ZNF385D: variants seen among roughly 807,000 people sequenced by gnomAD.
The protein encoded by ZNF385D is zinc finger protein 385D.
A neutral mutation model predicts 35.8 loss-of-function variants in ZNF385D; 15 were observed. The ratio of observed to expected loss-of-function variants is 0.42; its 90% CI spans 0.28 to 0.64. ZNF385D has a LOEUF of 0.64. ZNF385D is among the 30% of genes least tolerant of loss of function. The pLI is 0.23. For synonymous variants in ZNF385D, 212 were observed against 186.8 expected, an observed-to-expected ratio of 1.13 and a Z score of -1.10; for missense variants, 474 against 494.6, an observed-to-expected ratio of 0.96 and a Z score of 0.39.
At chr3:21,555,215 GT>G (rs35875777) in intron 3 of ZNF385D, among the ~76,000 whole-genome samples, 23,325 of 141,090 alleles carry the variant, frequency 0.17, 1,751 homozygotes, top group East Asian at 0.18. Flanking sequence ...GGCAATTGTA[GT>G]TTTTTTTTTT....
chr3:21,930,976 A>G (rs763698914), intron 3 of ZNF385D, among the ~76,000 whole-genome samples: 35 of 152,160 alleles, frequency 2.3e-4, no homozygotes, highest in Non-Finnish European at 4.6e-4. Flanking sequence ...CATCAAAATA[A>G]GAAACTTCTG....
intron 3 of ZNF385D, among the ~76,000 whole-genome samples, chr3:21,951,513 T>G (rs1416567094): frequency 2.0e-5 from 3 of 151,690 alleles, no homozygotes; most frequent in Non-Finnish European, 4.4e-5. Flanking sequence ...CAATTTGACT[T>G]CCATTCTTCC....
At position 22,337,617 on chromosome 3, in the gene ZNF385D, A is replaced by G. The variant is rs143514307; in HGVS notation, c.106+34833T>C. Reference sequence around the variant, plus strand: ...CTCACCGAAAATGCCCAATTTGCTTAATAGTCACAGAAAAGTAGATAGACT... The same window carrying G: ...CTCACCGAAAATGCCCAATTTGCTTGATAGTCACAGAAAAGTAGATAGACT... On this transcript the variant is annotated intron_variant, in intron 2 of 5. Transcript: ENST00000494108. Among the ~76,000 whole-genome samples the G allele has an allele frequency of 2.3e-3, 358 of 152,352 alleles. 7 individuals are homozygous for G. In the South Asian group the frequency reaches 0.027, roughly 11 times the overall value.
chr3:21,744,359 T>G (rs1261312019), intron 1 of ZNF385D, among the ~76,000 whole-genome samples: 1 of 152,164 alleles, frequency 6.6e-6, no homozygotes, highest in Non-Finnish European at 1.5e-5. Context: ...ACAACCACTT[T>G]CCCTCATCAG....
chr3:21,787,546 AC>A (rs1333555487), intron 3 of ZNF385D, among the ~76,000 whole-genome samples: 1 of 152,098 alleles, frequency 6.6e-6, no homozygotes, highest in Non-Finnish European at 1.5e-5. Flanking sequence ...CTTAGGAGAA[AC>A]AGTAAGATTC....
At chr3:21,982,340 G>A (rs544542984) in intron 3 of ZNF385D, among the ~76,000 whole-genome samples, 1 of 151,944 alleles carries the variant, frequency 6.6e-6, no homozygotes, top group East Asian at 1.9e-4. Flanking sequence ...ATTCTTTTAT[G>A]GCAATTGTAA....
chr3:22,024,250 G>A (rs894543962), intron 3 of ZNF385D, among the ~76,000 whole-genome samples: 3 of 152,034 alleles, frequency 2.0e-5, no homozygotes, highest in Admixed American at 2.0e-4. Context: ...TCCTCAACTT[G>A]CAGATAGCCC....
At chr3:21,554,556 G>C (rs180890672) in intron 3 of ZNF385D, among the ~76,000 whole-genome samples, 1 of 152,268 alleles carries the variant, frequency 6.6e-6, no homozygotes, top group East Asian at 1.9e-4. Context: ...CTCCTACCAA[G>C]AGAGTAAGCC....
At chr3:21,583,752 T>G (rs1197513912) in intron 2 of ZNF385D, among the ~76,000 whole-genome samples, 1 of 151,102 alleles carries the variant, frequency 6.6e-6, no homozygotes, top group African/African-American at 2.4e-5. Flanking sequence ...ATTCATTCAA[T>G]ATAAATATTA....
intron 2 of ZNF385D, among the ~76,000 whole-genome samples, chr3:22,206,977 G>A (rs551507282): frequency 6.6e-6 from 1 of 151,386 alleles, no homozygotes; most frequent in South Asian, 2.1e-4. Flanking sequence ...AAGTTTTTTT[G>A]GATATATAAA....
chr3:21,714,565 C>G (rs2068238859), intron 1 of ZNF385D, among the ~76,000 whole-genome samples: 1 of 152,212 alleles, frequency 6.6e-6, no homozygotes, highest in African/African-American at 2.4e-5. Flanking sequence ...GAAGCCTGAA[C>G]ACAGACACCA....
At chr3:21,595,141 C>A in intron 2 of ZNF385D, among the ~76,000 whole-genome samples, 1 of 152,040 alleles carries the variant, frequency 6.6e-6, no homozygotes, top group Non-Finnish European at 1.5e-5. Flanking sequence ...GAACTACTGA[C>A]TTTTATCAGA....
chr3:21,708,279 G>A (rs1176808195), intron 1 of ZNF385D, among the ~76,000 whole-genome samples: 1 of 152,194 alleles, frequency 6.6e-6, no homozygotes, highest in Non-Finnish European at 1.5e-5. Context: ...TAGGCCTTGG[G>A]CTGGGAACTC....
At chr3:22,117,305 A>G (rs1199051893) in intron 3 of ZNF385D, among the ~76,000 whole-genome samples, 1 of 152,074 alleles carries the variant, frequency 6.6e-6, no homozygotes, top group Non-Finnish European at 1.5e-5. Context: ...TAACTTCTTA[A>G]TGTTCCTTCC....
intron 1 of ZNF385D, among the ~76,000 whole-genome samples, chr3:21,702,641 C>G (rs1274466009): frequency 6.6e-6 from 1 of 152,144 alleles, no homozygotes; most frequent in Non-Finnish European, 1.5e-5. Flanking sequence ...AACTTTTATG[C>G]ACTGTTTCCC....
chr3:22,300,748 A>T (rs1397594050), intron 2 of ZNF385D, among the ~76,000 whole-genome samples: 1 of 152,048 alleles, frequency 6.6e-6, no homozygotes, highest in African/African-American at 2.4e-5. Flanking sequence ...CTGTCACTTC[A>T]CACATGTTAG....
At chr3:21,557,546 T>G (rs1023819999) in intron 3 of ZNF385D, among the ~76,000 whole-genome samples, 13 of 152,212 alleles carry the variant, frequency 8.5e-5, no homozygotes, top group African/African-American at 2.7e-4. Flanking sequence ...CTTTTTGATG[T>G]GCTGCTGGAT....
At position 22,363,597 on chromosome 3, in the gene ZNF385D, G is replaced by T. The variant is rs567706940; in HGVS notation, c.106+8853C>A. 3.0e-4 allele frequency among the ~76,000 whole-genome samples: 46 copies of T among 152,140 alleles called. 1 individual carries two copies. Among genetic ancestry groups the T allele is most frequent in the African/African-American group, 1.1e-3 (45 of 41,532 alleles). ...TTTTTCAGATTCAGTACCAAGAATG[G>T]TTTTTTATCTGGAAAAATAGTATTC... is the stretch of plus-strand genomic sequence containing the variant. On this transcript the variant is annotated intron_variant, in intron 2 of 5. Transcript: ENST00000494108.
At chr3:21,901,266 T>A (rs1699400153) in intron 3 of ZNF385D, among the ~76,000 whole-genome samples, 1 of 152,186 alleles carries the variant, frequency 6.6e-6, no homozygotes. Context: ...CGTGAGCCAC[T>A]TATTTACCTC....
Sources: allele counts gnomAD v4.1 joint callset (sites outside exome capture counted in the v4.1 genomes callset), GRCh38; gene constraint gnomAD v4.1.1; transcripts MANE v1.5; gene names NCBI Gene and HGNC (gene_info 2026-07-23, HGNC 2026-07-21).